PTPRS: variants seen among roughly 807,000 people sequenced by gnomAD.
PTPRS encodes the protein protein tyrosine phosphatase receptor type S.
A neutral mutation model predicts 215.3 loss-of-function variants in PTPRS; 63 were observed. The ratio of observed to expected loss-of-function variants is 0.29; its 90% CI spans 0.24 to 0.36. The LOEUF (loss-of-function observed/expected upper bound fraction) is 0.36, where lower values mean the gene tolerates loss of function less well. Ranked by LOEUF, PTPRS falls within the 10% of genes least tolerant of loss-of-function variation. The pLI is 1.00. For missense variants in PTPRS, 2,258 were observed against 2,825.8 expected, an observed-to-expected ratio of 0.80 and a Z score of 4.56; for synonymous variants, 1,404 against 1,191.4, an observed-to-expected ratio of 1.18 and a Z score of -3.68.
intron 30 of PTPRS, 114 bp downstream of exon 30, chr19:5,214,247 C>G (rs10425850): frequency 7.0e-7 from 1 of 1,436,972 alleles, no homozygotes; most frequent in East Asian, 2.4e-5. Context: ...TGGGTAGACA[C>G]GCTCCGCTTT....
At chr19:5,218,597 C>T in intron 24 of PTPRS, 65 bp from the exon 25 acceptor site, 2 of 1,562,728 alleles carry the variant, frequency 1.3e-6, no homozygotes, top group Non-Finnish European at 1.8e-6. Context: ...GAACACAATT[C>T]AGGCCCCAGG....
chr19:5,301,241 GC>G, intron 1 of PTPRS, among the ~76,000 whole-genome samples: 2 of 147,046 alleles, frequency 1.4e-5, no homozygotes, highest in Admixed American at 6.9e-5. Flanking sequence ...CCCCCGCCAG[GC>G]CCCATTGCCA....
intron 1 of PTPRS, among the ~76,000 whole-genome samples, chr19:5,326,148 T>C (rs2050160698): frequency 6.6e-6 from 1 of 152,022 alleles, no homozygotes; most frequent in Non-Finnish European, 1.5e-5. Context: ...GGAGAATCGC[T>C]TGAACCCGGG....
intron 2 of PTPRS, among the ~76,000 whole-genome samples, chr19:5,279,976 C>T (rs557358149): frequency 2.0e-5 from 3 of 152,314 alleles, no homozygotes; most frequent in East Asian, 3.9e-4. Flanking sequence ...AGCCACCACG[C>T]CCAGCCTGAA....
chr19:5,227,383 C>T (rs532104200), intron 16 of PTPRS, among the ~76,000 whole-genome samples: 1 of 147,556 alleles, frequency 6.8e-6, no homozygotes, highest in Non-Finnish European at 1.5e-5. Flanking sequence ...ATTTCACTGT[C>T]TAAACCCCAT....
In PTPRS at chr19:5,339,544, G is replaced by A. The variant is rs2050617728; in HGVS notation, c.-95+1120C>T. On this transcript the variant is annotated intron_variant, in intron 1 of 37. Coordinates refer to ENST00000262963, the MANE Select transcript of PTPRS (RefSeq NM_002850.4). The surrounding 1 kb of genome is among the most constrained non-coding windows in gnomAD (Gnocchi z 4.2). Reference sequence around the variant, plus strand: ...AATTTGGGAAGGGGGGGAATTGGTGGGAAATGTCCAGGATTTGTAGGGGGA... The same window carrying A: ...AATTTGGGAAGGGGGGGAATTGGTGAGAAATGTCCAGGATTTGTAGGGGGA... 1.3e-5 allele frequency among the ~76,000 whole-genome samples: 2 copies of A among 151,832 alleles called. No individual in the cohort carries two copies. Among genetic ancestry groups the A allele is most frequent in the African/African-American group, 2.4e-5 (1 of 41,298 alleles).
rs1201986881 is a variant in PTPRS, at chr19:5,338,122, G to A, written c.-95+2542C>T. Among the ~76,000 whole-genome samples, 1 of 152,146 alleles carries A rather than the reference G, an allele frequency of 6.6e-6. No homozygotes were observed. Among genetic ancestry groups the A allele is most frequent in the Non-Finnish European group, 1.5e-5 (1 of 68,022 alleles). ...ATCTCCCGCGGGGAGTGGGGAGCGGGCCAGTCCACCGCCTCTTGGGACGGC... is the reference window on the plus strand; with the variant it reads ...ATCTCCCGCGGGGAGTGGGGAGCGGACCAGTCCACCGCCTCTTGGGACGGC... On this transcript the variant is annotated intron_variant, in intron 1 of 37. Coordinates refer to ENST00000262963, the MANE Select transcript of PTPRS (RefSeq NM_002850.4). The surrounding 1 kb of genome is among the most constrained non-coding windows in gnomAD (Gnocchi z 4.2).
chr19:5,267,459 C>T (rs1194522471), intron 4 of PTPRS, among the ~76,000 whole-genome samples: 2 of 152,056 alleles, frequency 1.3e-5, no homozygotes, highest in Non-Finnish European at 2.9e-5. Context: ...GAGTTCGAGA[C>T]CAGCCTGGCC....
At chr19:5,323,322 C>T (rs1220863263) in intron 1 of PTPRS, among the ~76,000 whole-genome samples, 1 of 152,154 alleles carries the variant, frequency 6.6e-6, no homozygotes, top group Non-Finnish European at 1.5e-5. Context: ...CACACCACTG[C>T]ACTCCCGCCT....
At chr19:5,252,791 T>C (rs577370330) in intron 9 of PTPRS, among the ~76,000 whole-genome samples, 1 of 142,152 alleles carries the variant, frequency 7.0e-6, no homozygotes, top group South Asian at 2.1e-4. Flanking sequence ...GGAGAATCAT[T>C]GAACCCAGGA....
rs182037655 is a variant in PTPRS at position 5,212,448 on chromosome 19, G to A, written c.4658C>T (p.Thr1553Met). The change falls in exon 31 of 38, where the codon ACG becomes ATG. Residue 1553 changes from threonine (T) to methionine (M), a missense_variant. Thr to Met is a moderately conservative substitution (Grantham distance 81). This residue lies in a region of PTPRS where 927 missense variants were observed against 1,125.9 expected (regional missense o/e 0.82). Coordinates refer to ENST00000262963, the MANE Select transcript of PTPRS (RefSeq NM_002850.4). Reference protein sequence around the residue: ...EKREVRQFQFTAWPDHGVPEY... With the variant: ...EKREVRQFQFMAWPDHGVPEY... ...GGGCACGCCATGGTCCGGCCACGCC[G>A]TAAACTGGAACTGGCGGACCTCGCG... 1.6e-5 allele frequency: 26 copies of A among 1,600,192 alleles called. No individual in the cohort carries two copies. The highest frequency in any genetic ancestry group is 8.0e-5 in the African/African-American group (6 of 74,698).
At chr19:5,211,029 C>A (rs1471915100) in intron 33 of PTPRS, among the ~76,000 whole-genome samples, 6 of 152,246 alleles carry the variant, frequency 3.9e-5, no homozygotes, top group African/African-American at 1.4e-4. Flanking sequence ...CTTGACAAAG[C>A]TGCGGGACTA....
rs1326102866 is a variant in PTPRS, at chr19:5,338,687, G to A, written c.-95+1977C>T. On this transcript the variant is annotated intron_variant, in intron 1 of 37. Coordinates refer to ENST00000262963, the MANE Select transcript of PTPRS (RefSeq NM_002850.4). This position sits in a 1 kb window ranked among gnomAD's most constrained non-coding sequence, Gnocchi z 4.2. ...GGACAGAAGGCAGGCGCGATTGGCAGGGGGAGGGGGGCACAAAGGAAGGGA... is the reference window on the plus strand; with the variant it reads ...GGACAGAAGGCAGGCGCGATTGGCAAGGGGAGGGGGGCACAAAGGAAGGGA... Among the ~76,000 whole-genome samples the A allele has an allele frequency of 6.6e-6, 1 of 152,050 alleles. No individual in the cohort carries two copies. Among genetic ancestry groups the A allele is most frequent in the African/African-American group, 2.4e-5 (1 of 41,380 alleles).
Position 5,237,391 on chromosome 19 carries a change from C to T in PTPRS, c.1849+1528G>A, listed in dbSNP as rs905523921. Among the ~76,000 whole-genome samples, 1 of 152,252 alleles carries T rather than the reference C, an allele frequency of 6.6e-6. No homozygotes were observed. Among genetic ancestry groups the T allele is most frequent in the Non-Finnish European group, 1.5e-5 (1 of 68,042 alleles). On this transcript the variant is annotated intron_variant, in intron 13 of 37. Transcript: ENST00000262963. This position sits in a 1 kb window ranked among gnomAD's most constrained non-coding sequence, Gnocchi z 4.2. ...AGCGGGGAGTCCCTTCTCCCCAACT[C>T]CCTGTCCTGGGCCGCCCCGGAGGTT...
chr19:5,334,257 G>A (rs904564812), intron 1 of PTPRS, among the ~76,000 whole-genome samples: 17 of 152,232 alleles, frequency 1.1e-4, no homozygotes, highest in East Asian at 1.9e-4. Context: ...GCGGGGTAGC[G>A]GGGCGCGGGT....
At chr19:5,269,661 C>T (rs1425008439) in intron 4 of PTPRS, among the ~76,000 whole-genome samples, 1 of 151,904 alleles carries the variant, frequency 6.6e-6, no homozygotes, top group African/African-American at 2.4e-5. Flanking sequence ...GTGGCTGACG[C>T]CTATAATCCC....
At chr19:5,255,491 T>C (rs561135679) in intron 9 of PTPRS, among the ~76,000 whole-genome samples, 3 of 150,836 alleles carry the variant, frequency 2.0e-5, no homozygotes, top group East Asian at 1.9e-4. Flanking sequence ...ACGAGTCGCT[T>C]TGGGGGAGAA....
At chr19:5,242,602 C>G (rs1331021755) in intron 11 of PTPRS, among the ~76,000 whole-genome samples, 1 of 151,046 alleles carries the variant, frequency 6.6e-6, no homozygotes, top group South Asian at 2.1e-4. Flanking sequence ...TGTTCTCAAA[C>G]TCCTGACCTC....
chr19:5,297,801 T>C (rs1202622888), intron 1 of PTPRS, among the ~76,000 whole-genome samples: 1 of 126,116 alleles, frequency 7.9e-6, no homozygotes, highest in Admixed American at 7.4e-5. Context: ...CTTTTTTTTT[T>C]TTTTTTTTTG....
Sources: gnomAD v4.1 joint callset for allele counts (sites outside exome capture counted in the v4.1 genomes callset) on GRCh38, gnomAD v4.1.1 for gene constraint, gnomAD v4.1.1 regional missense constraint, Gnocchi (gnomAD v3.1) non-coding constraint, MANE v1.5 for transcripts, NCBI Gene and HGNC (gene_info 2026-07-23, HGNC 2026-07-21) for gene names.